The following STK33 variants were observed in gnomAD, a reference collection of about 807,000 sequenced individuals.
The protein encoded by STK33 is serine/threonine kinase 33.
STK33 carries 52 observed loss-of-function variants against 58.0 expected under a neutral mutation model. That is an observed-to-expected ratio of 0.90 (90% confidence interval 0.72 to 1.13). The LOEUF (loss-of-function observed/expected upper bound fraction) is 1.13. STK33 is among the 50% of genes most tolerant of loss of function. The pLI, the probability that STK33 is intolerant of heterozygous loss-of-function variation, is 0.00. For synonymous variants in STK33, 215 were observed against 200.1 expected (o/e 1.07, Z -0.63); for missense variants, 630 against 604.2 (o/e 1.04, Z -0.45).
chr11:8,464,289 C>G (rs1591285947), intron 7 of STK33, among the ~76,000 whole-genome samples: 1 of 151,994 alleles, frequency 6.6e-6, no homozygotes, highest in Non-Finnish European at 1.5e-5. Context: ...GATGAATAAA[C>G]AGAATTAGCG....
At chr11:8,438,859 AAT>A (rs1944386397) in intron 12 of STK33, among the ~76,000 whole-genome samples, 1 of 152,204 alleles carries the variant, frequency 6.6e-6, no homozygotes. Context: ...CTATGATTTT[AAT>A]CAGCACAAAA....
At chr11:8,529,047 G>A (rs1276243775) in intron 1 of STK33, among the ~76,000 whole-genome samples, 1 of 152,116 alleles carries the variant, frequency 6.6e-6, no homozygotes, top group Non-Finnish European at 1.5e-5. Flanking sequence ...TATATGGCTT[G>A]CCCAAGGTCA....
intron 1 of STK33, among the ~76,000 whole-genome samples, chr11:8,553,194 ATATGGTG>A (rs1336213724): frequency 0.029 from 2,117 of 71,796 alleles, 91 homozygotes; most frequent in South Asian, 0.037. Context: ...ATATATATAT[ATATGGTG>A]TATATATATA....
At chr11:8,500,987 T>C (rs1951473557) in intron 1 of STK33, among the ~76,000 whole-genome samples, 2 of 152,116 alleles carry the variant, frequency 1.3e-5, no homozygotes, top group Non-Finnish European at 1.5e-5. Context: ...TAACTGGATA[T>C]CTACACACAA....
In STK33 at chr11:8,589,450, A is replaced by G. The variant is rs183190683; in HGVS notation, c.-466+4633T>C. ...ATAATTCCATTTATATAAAATTTCCATAACAGGCAAATCTACAGATAAAGA... is the reference window on the plus strand; with the variant it reads ...ATAATTCCATTTATATAAAATTTCCGTAACAGGCAAATCTACAGATAAAGA... On this transcript the variant is annotated intron_variant, in intron 1 of 15. Transcript: ENST00000687296. Among the ~76,000 whole-genome samples the G allele has an allele frequency of 7.9e-5, 12 of 152,324 alleles. No homozygotes were observed. In the East Asian group the frequency reaches 1.9e-3, roughly 24 times the overall value.
chr11:8,474,391 T>G (rs1307566151), intron 5 of STK33, among the ~76,000 whole-genome samples: 4 of 152,332 alleles, frequency 2.6e-5, no homozygotes, highest in African/African-American at 7.2e-5. Flanking sequence ...CAGATTTAAT[T>G]CAACTTGAAA....
chr11:8,478,890 A>T (rs1480978663), intron 2 of STK33, among the ~76,000 whole-genome samples: 1 of 152,186 alleles, frequency 6.6e-6, no homozygotes, highest in Non-Finnish European at 1.5e-5. Context: ...GAAGACTAGC[A>T]CTTGTTTATT....
intron 15 of STK33, among the ~76,000 whole-genome samples, chr11:8,404,715 C>T (rs1938769379): frequency 6.6e-6 from 1 of 152,158 alleles, no homozygotes; most frequent in African/African-American, 2.4e-5. Flanking sequence ...TTTACTCATT[C>T]TTCTGTTAAT....
intron 1 of STK33, among the ~76,000 whole-genome samples, chr11:8,498,636 A>G (rs1038505880): frequency 3.3e-5 from 5 of 152,208 alleles, no homozygotes; most frequent in African/African-American, 1.2e-4. Flanking sequence ...GACAATCCTA[A>G]GCAAAAAGAA....
chr11:8,579,349 T>C (rs1223439231), intron 1 of STK33, among the ~76,000 whole-genome samples: 1 of 152,106 alleles, frequency 6.6e-6, no homozygotes, highest in Non-Finnish European at 1.5e-5. Flanking sequence ...CACCAATTTA[T>C]ACTTGTATCC....
At chr11:8,496,732 G>A (rs945799717) in intron 1 of STK33, among the ~76,000 whole-genome samples, 11 of 151,792 alleles carry the variant, frequency 7.2e-5, no homozygotes, top group Admixed American at 2.6e-4. Context: ...CCACCACCAC[G>A]CCCGGCTAAT....
intron 14 of STK33, among the ~76,000 whole-genome samples, chr11:8,419,945 T>A (rs769671558): frequency 6.6e-6 from 1 of 152,156 alleles, no homozygotes. Context: ...TAACCATGGA[T>A]AATCTCAATT....
chr11:8,479,555 G>C (rs558044866), intron 2 of STK33, among the ~76,000 whole-genome samples: 1 of 151,978 alleles, frequency 6.6e-6, no homozygotes, highest in Admixed American at 6.6e-5. Context: ...TAAGCAACCA[G>C]AAGCTGGCCA....
At chr11:8,515,182 T>C (rs1024544572) in intron 1 of STK33, among the ~76,000 whole-genome samples, 3 of 151,678 alleles carry the variant, frequency 2.0e-5, no homozygotes, top group African/African-American at 7.3e-5. Context: ...TTAGCTATAC[T>C]AAGAAAAAAA....
At chr11:8,464,587 A>C (rs1177287836) in intron 7 of STK33, 122 bp downstream of exon 7, 1 of 532,114 alleles carries the variant, frequency 1.9e-6, no homozygotes, top group East Asian at 3.2e-5. Context: ...TCTCTGGGGG[A>C]TCAGCCCAGG....
intron 7 of STK33, among the ~76,000 whole-genome samples, chr11:8,462,643 G>C (rs1044683055): frequency 6.6e-6 from 1 of 151,908 alleles, no homozygotes; most frequent in Non-Finnish European, 1.5e-5. Context: ...GAGAGAGAGA[G>C]ATCTTGCCTT....
At chr11:8,370,498 C>A in the STK33 span, among the ~76,000 whole-genome samples, 1 of 152,114 alleles carries the variant, frequency 6.6e-6, no homozygotes, top group Non-Finnish European at 1.5e-5. Flanking sequence ...TGCCAGGCCC[C>A]AAAGCTGAGA....
At position 8,508,714 on chromosome 11, in the gene STK33, A is replaced by C. The variant is rs145202831; in HGVS notation, c.-465-28100T>G. Among the ~76,000 whole-genome samples the C allele has an allele frequency of 1.6e-4, 24 of 152,278 alleles. No individual in the cohort carries two copies. In the East Asian group the frequency reaches 3.9e-3, roughly 24 times the overall value. ...CTGGTATTGAAAAACCTCAATCGGG[A>C]CATGTGAGGAATTAACTTTAACACA... On this transcript the variant is annotated intron_variant, in intron 1 of 15. Coordinates refer to ENST00000687296, the MANE Select transcript of STK33 (RefSeq NM_001352389.2).
intron 11 of STK33, among the ~76,000 whole-genome samples, chr11:8,443,425 C>T (rs1033111889): frequency 6.6e-6 from 1 of 151,988 alleles, no homozygotes; most frequent in African/African-American, 2.4e-5. Context: ...TAAAGAAAAC[C>T]AGACAGATAA....
Sources: gnomAD v4.1 joint callset for allele counts (sites outside exome capture counted in the v4.1 genomes callset) on GRCh38, gnomAD v4.1.1 for gene constraint, MANE v1.5 for transcripts, NCBI Gene and HGNC (gene_info 2026-07-23, HGNC 2026-07-21) for gene names.